The following RECQL5 variants were observed in gnomAD, a reference collection of about 807,000 sequenced individuals.
RECQL5 encodes the protein RecQ like helicase 5.
A neutral mutation model predicts 103.4 loss-of-function variants in RECQL5; 88 were observed. That is an observed-to-expected ratio of 0.85 (90% CI 0.72 to 1.02). The LOEUF is 1.02. RECQL5 is among the 50% of genes least tolerant of loss of function. The pLI, the probability that RECQL5 is intolerant of heterozygous loss-of-function variation, is 0.00. For synonymous variants in RECQL5, 552 were observed against 507.9 expected, an observed-to-expected ratio of 1.09 and a Z score of -1.17; for missense variants, 1,232 against 1,284.3, an observed-to-expected ratio of 0.96 and a Z score of 0.62.
Position 75,640,145 on chromosome 17 carries a change from GT to G in RECQL5, c.1230-8478del. On this transcript the variant is annotated intron_variant, in intron 8 of 19. Transcript: ENST00000317905. The surrounding 1 kb of genome is among the most constrained non-coding windows in gnomAD (Gnocchi z 4.6). ...GTGGGGCCAGCCGTGGAGGCTCCAG[GT>G]GTTCTCTCTGCCCCAGCAGAGCCCG... The G allele has an allele frequency of 6.7e-7, 1 of 1,495,392 alleles. No individual in the cohort carries two copies. The highest frequency in any genetic ancestry group is 1.3e-5 in the South Asian group (1 of 77,060). The allele number at this position is 1,495,392 out of a possible 1,614,324, so 92.6% of individuals were successfully genotyped here. A position where few individuals can be genotyped will look rare whatever the true frequency, so the allele number is the denominator to read the frequency against.
intron 7 of RECQL5, 84 bp from the exon 8 acceptor site, chr17:75,651,349 C>T (rs55853884): frequency 0.043 from 64,331 of 1,490,342 alleles, 1,617 homozygotes; most frequent in South Asian, 0.072. Flanking sequence ...AGGCCGAGTG[C>T]GGTGGCTCAC....
At chr17:75,627,548 G>A in intron 19 of RECQL5, 26 bp from the exon 20 acceptor site, 1 of 1,612,990 alleles carries the variant, frequency 6.2e-7, no homozygotes, top group Non-Finnish European at 8.5e-7. Context: ...GGGGGCATGA[G>A]GAGGTGAGCG....
Position 75,629,214 on chromosome 17 carries a change from C to G in RECQL5, c.2209G>C (p.Gly737Arg). ...CGGCCCTTGGCAAGGGAGCTGCCCC[C>G]AGAGGAACTTTTTGCCTTCTTCTCA... The part of the protein sequence containing the change: ...SPEKKAKSSS[G>R]GSSLAKGRAS... The change falls in exon 16 of 20, where the codon GGG becomes CGG. Residue 737 changes from glycine to arginine, a missense_variant. Physicochemically the swap from Gly to Arg is moderately radical, Grantham distance 125 (BLOSUM62 -2). Transcript: ENST00000317905. 3 of 1,613,296 alleles carry G rather than the reference C, an allele frequency of 1.9e-6. No homozygotes were observed.
Position 75,628,728 on chromosome 17 carries a change from C to A in RECQL5, c.2524G>T (p.Val842Phe). The A allele has an allele frequency of 6.3e-7, 1 of 1,591,172 alleles. No homozygotes were observed. The highest frequency in any genetic ancestry group is 8.5e-7 in the Non-Finnish European group (1 of 1,174,474). ...GTGTCCTTTGCAGGGGTGGGCTGGA[C>A]TTCAGGGGTGCCCTGGTCTCTGGGC... ...CPPRDQGTPEVQPTPAKDTWK... is the reference protein window; with the variant it reads ...CPPRDQGTPEFQPTPAKDTWK... The change falls in exon 17 of 20, where the codon GTC becomes TTC. Residue 842 changes from valine (V) to phenylalanine (F), a missense_variant. Physicochemically the swap from Val to Phe is conservative, Grantham distance 50. Coordinates refer to ENST00000317905, the MANE Select transcript of RECQL5 (RefSeq NM_004259.7).
Position 75,640,389 on chromosome 17 carries a change from G to A in RECQL5, c.1230-8721C>T, listed in dbSNP as rs904365151. Reference sequence around the variant, plus strand: ...TGGCATCTGGGAGAGACCACACCATGGTGCCAGCCAGAGGGCTGGCAGAGG... The same window carrying A: ...TGGCATCTGGGAGAGACCACACCATAGTGCCAGCCAGAGGGCTGGCAGAGG... On this transcript the variant is annotated intron_variant, in intron 8 of 19. Transcript: ENST00000317905. This position sits in a 1 kb window ranked among gnomAD's most constrained non-coding sequence, Gnocchi z 4.6. 6.8e-7 allele frequency: 1 copy of A among 1,468,902 alleles called. No individual in the cohort carries two copies. The highest frequency in any genetic ancestry group is 9.0e-7 in the Non-Finnish European group (1 of 1,105,540). 91.0% of individuals were successfully genotyped at this position (1,468,902 alleles called of 1,614,324 possible).
chr17:75,627,401 C>T lies in RECQL5; in HGVS notation c.*21G>A, dbSNP rs754704538. The T allele has an allele frequency of 1.9e-6, 3 of 1,596,910 alleles. No individual in the cohort carries two copies. Among genetic ancestry groups the T allele is most frequent in the Non-Finnish European group, 1.7e-6 (2 of 1,165,460 alleles). On this transcript the variant is annotated 3_prime_UTR_variant, in exon 20 of 20. Transcript: ENST00000317905. ...GCTAGAATCTGGGGGAGGACGCGGG[C>T]CCTGCCCAGCCAGCAGTTGGTCATC...
At chr17:75,646,607 G>GTC (rs1314144313) in intron 8 of RECQL5, 1 of 152,282 alleles carries the variant, frequency 6.6e-6, no homozygotes, top group African/African-American at 2.4e-5. Context: ...AGCAACTAAG[G>GTC]TCTGGTCAGG....
intron 10 of RECQL5, 66 bp downstream of exon 10, chr17:75,631,084 G>A: frequency 6.2e-7 from 1 of 1,611,168 alleles, no homozygotes; most frequent in Non-Finnish European, 8.5e-7. Flanking sequence ...ACCAGAGAAG[G>A]GGCTGAGAGG....
At position 75,663,008 on chromosome 17, in the gene RECQL5, A is replaced by G. The variant is rs1216733704; in HGVS notation, c.253-11T>C. On this transcript the variant is annotated splice_polypyrimidine_tract_variant and intron_variant, in intron 3 of 19. Coordinates refer to ENST00000317905, the MANE Select transcript of RECQL5 (RefSeq NM_004259.7). ...GTGGTCCACTTGGTCCTAAGAGAAGAGAAAGAGGCTGTAACTGGCCCTCAG... is the reference window on the plus strand; with the variant it reads ...GTGGTCCACTTGGTCCTAAGAGAAGGGAAAGAGGCTGTAACTGGCCCTCAG... The G allele has an allele frequency of 1.3e-6, 2 of 1,572,994 alleles. No individual in the cohort carries two copies. The highest frequency in any genetic ancestry group is 2.7e-5 in the African/African-American group (2 of 73,704).
intron 8 of RECQL5, among the ~76,000 whole-genome samples, chr17:75,645,121 G>C (rs2059474760): frequency 6.6e-6 from 1 of 152,126 alleles, no homozygotes; most frequent in Admixed American, 6.5e-5. Flanking sequence ...CTTTAAAGCA[G>C]AACAAAAACT....
chr17:75,635,276 G>A (rs2059297683), intron 8 of RECQL5, among the ~76,000 whole-genome samples: 1 of 152,166 alleles, frequency 6.6e-6, no homozygotes, highest in African/African-American at 2.4e-5. Flanking sequence ...GTCAGGCCAG[G>A]TCGGGGTCGG....
Position 75,628,216 on chromosome 17 carries a change from A to T in RECQL5, c.2805+2T>A, listed in dbSNP as rs1031215188. ...AAGGCAGAGCCCACTCACTCCCCCTACCTTGGAAGCAAACTTGCCCTCCTT... is the reference window on the plus strand; with the variant it reads ...AAGGCAGAGCCCACTCACTCCCCCTTCCTTGGAAGCAAACTTGCCCTCCTT... On this transcript the variant is annotated splice_donor_variant, in intron 18 of 19. Transcript: ENST00000317905. LOFTEE classifies it high-confidence loss of function. The T allele has an allele frequency of 1.2e-6, 2 of 1,612,818 alleles. No homozygotes were observed. The highest frequency in any genetic ancestry group is 2.7e-5 in the African/African-American group (2 of 74,812).
intron 4 of RECQL5, 33 bp downstream of exon 4, chr17:75,662,446 A>G (rs772744180): frequency 3.7e-6 from 6 of 1,600,030 alleles, no homozygotes; most frequent in Non-Finnish European, 5.1e-6. Context: ...CCACTGCTCT[A>G]ACAGCTGCTT....
At chr17:75,653,974 T>G (rs893005301) in intron 7 of RECQL5, among the ~76,000 whole-genome samples, 1 of 152,056 alleles carries the variant, frequency 6.6e-6, no homozygotes, top group Non-Finnish European at 1.5e-5. Flanking sequence ...ACATCATCTA[T>G]TGAGTTTCTG....
At position 75,627,099 on chromosome 17, in the gene RECQL5, A is replaced by T. The variant is rs1598969780; in HGVS notation, c.*323T>A. On this transcript the variant is annotated 3_prime_UTR_variant, in exon 20 of 20. Coordinates refer to ENST00000317905, the MANE Select transcript of RECQL5 (RefSeq NM_004259.7). ...CAGGTGGGCCTCATCCTGACTTAGA[A>T]CTCGGGGAGGGGCCACTCTTCCTTC... 1 of 494,250 alleles carries T rather than the reference A, an allele frequency of 2.0e-6. No individual in the cohort carries two copies. Among genetic ancestry groups the T allele is most frequent in the East Asian group, 5.6e-5 (1 of 17,858 alleles). The allele number at this position is 494,250 out of a possible 1,614,324, so 30.6% of individuals were successfully genotyped here.
chr17:75,661,722 T>C lies in RECQL5; in HGVS notation c.772-14A>G, dbSNP rs766127960. On this transcript the variant is annotated splice_polypyrimidine_tract_variant and intron_variant, in intron 4 of 19. Transcript: ENST00000317905. ...GCAGCCAGATAACTGAATGGGGAGATGCAGGAAGAAAATAAGCATAGCAAG... is the reference window on the plus strand; with the variant it reads ...GCAGCCAGATAACTGAATGGGGAGACGCAGGAAGAAAATAAGCATAGCAAG... 2.5e-6 allele frequency: 4 copies of C among 1,598,938 alleles called. No homozygotes were observed. In the South Asian group the frequency reaches 3.3e-5, roughly 13 times the overall value.
rs537006489 is a variant in RECQL5 at position 75,626,919 on chromosome 17, T to G, written c.*503A>C. The G allele has an allele frequency of 5.7e-6, 2 of 352,676 alleles. No individual in the cohort carries two copies. Among genetic ancestry groups the G allele is most frequent in the South Asian group, 4.5e-5 (2 of 44,420 alleles). 21.8% of individuals were successfully genotyped at this position (352,676 alleles called of 1,614,324 possible). A position where few individuals can be genotyped will look rare whatever the true frequency, so the allele number is the denominator to read the frequency against. The stretch of plus-strand genomic sequence containing the variant: ...TCCTCTCCCAAACATCTGTCAGGCC[T>G]GGCCTTCCTGAGCAGGAGCTGAGCA... On this transcript the variant is annotated 3_prime_UTR_variant, in exon 20 of 20. Coordinates refer to ENST00000317905, the MANE Select transcript of RECQL5 (RefSeq NM_004259.7).
At chr17:75,655,198 A>AGTAACT (rs1210827671) in intron 7 of RECQL5, among the ~76,000 whole-genome samples, 8 of 152,138 alleles carry the variant, frequency 5.3e-5, no homozygotes, top group Non-Finnish European at 7.4e-5. Context: ...CAGCCTCCCG[A>AGTAACT]GTAACTGGGA....
At chr17:75,647,527 A>C in intron 8 of RECQL5, 1 of 1,550,266 alleles carries the variant, frequency 6.5e-7, no homozygotes. Flanking sequence ...ACTCACTTCC[A>C]CAGAAAACAC....
Sources: gnomAD v4.1 joint callset for allele counts (sites outside exome capture counted in the v4.1 genomes callset) on GRCh38, gnomAD v4.1.1 for gene constraint, Gnocchi (gnomAD v3.1) non-coding constraint, MANE v1.5 for transcripts, NCBI Gene and HGNC (gene_info 2026-07-23, HGNC 2026-07-21) for gene names.